Variants in GINM1 observed in about 807,000 individuals in gnomAD.
GINM1 encodes the protein glycoprotein integral membrane protein 1.
GINM1 carries 29 observed loss-of-function variants against 37.8 expected under a neutral mutation model. The ratio of observed to expected loss-of-function variants is 0.77; its 90% CI spans 0.57 to 1.05. The LOEUF (loss-of-function observed/expected upper bound fraction) is 1.05, where lower values mean the gene tolerates loss of function less well. Among genes scored for constraint, GINM1 ranks in the 50% least tolerant of loss-of-function variants. The pLI is 0.00. For missense variants in GINM1, 377 were observed against 397.9 expected (o/e 0.95, Z 0.45); for synonymous variants, 143 against 146.2 (o/e 0.98, Z 0.16).
At position 149,590,973 on chromosome 6, in the gene GINM1, T is replaced by G. The variant is rs999495537; in HGVS notation, c.*135T>G. 2.6e-5 allele frequency: 15 copies of G among 585,568 alleles called. No individual in the cohort carries two copies. The East Asian group carries it at 4.3e-4, about 17-fold the overall frequency. The allele number at this position is 585,568 out of a possible 1,614,324, so 36.3% of individuals were successfully genotyped here. A position where few individuals can be genotyped will look rare whatever the true frequency, so the allele number is the denominator to read the frequency against. Reference sequence around the variant, plus strand: ...GCTAAACTCTAAGACTGCCTGAAAATTGACCTTTACAGTGCCAAGTTAAAG... The same window carrying G: ...GCTAAACTCTAAGACTGCCTGAAAAGTGACCTTTACAGTGCCAAGTTAAAG... On this transcript the variant is annotated 3_prime_UTR_variant, in exon 8 of 8. Transcript: ENST00000367419.
Position 149,582,576 on chromosome 6 carries a change from A to G in GINM1, c.854A>G (p.Lys285Arg). The change falls in exon 7 of 8, where the codon AAG becomes AGG. Residue 285 changes from lysine to arginine, a missense_variant. By Grantham distance (26) the Lys-to-Arg change is conservative (BLOSUM62 2). Coordinates refer to ENST00000367419, the MANE Select transcript of GINM1 (RefSeq NM_138785.5). ...TGAAVVITIL[K>R]VFFPVSEYKG... is the part of the protein sequence containing the mutation. ...GCAGCTGTGGTAATAACCATCTTAA[A>G]GGTGTTTTTCCCAGTTTCTGAATAC... 6.3e-7 allele frequency: 1 copy of G among 1,588,910 alleles called. No individual in the cohort carries two copies. The highest frequency in any genetic ancestry group is 8.5e-7 in the Non-Finnish European group (1 of 1,173,458).
chr6:149,591,022 C>A lies in GINM1; in HGVS notation c.*184C>A. The A allele has an allele frequency of 3.9e-6, 2 of 519,428 alleles. No homozygotes were observed. Among genetic ancestry groups the A allele is most frequent in the Non-Finnish European group, 6.8e-6 (2 of 294,532 alleles). 32.2% of individuals were successfully genotyped at this position (519,428 alleles called of 1,614,324 possible). A position where few individuals can be genotyped will look rare whatever the true frequency, so the allele number is the denominator to read the frequency against. On this transcript the variant is annotated 3_prime_UTR_variant, in exon 8 of 8. Transcript: ENST00000367419. ...AGTTTACCTTATTCTCGGCCGGGTG[C>A]AGTGGCTCATGCCTGTAATCCCAGG...
At chr6:149,581,834 G>A (rs1778006780) in intron 6 of GINM1, among the ~76,000 whole-genome samples, 1 of 152,134 alleles carries the variant, frequency 6.6e-6, no homozygotes, top group South Asian at 2.1e-4. Flanking sequence ...CATATTTGAG[G>A]TCACTTCAGC....
At position 149,580,722 on chromosome 6, in the gene GINM1, A is replaced by T; in HGVS notation, c.716A>T (p.Lys239Met). The T allele has an allele frequency of 1.2e-6, 2 of 1,606,024 alleles. No homozygotes were observed. The highest frequency in any genetic ancestry group is 1.7e-6 in the Non-Finnish European group (2 of 1,175,194). Residue 239 changes from lysine (K) to methionine (M), a missense_variant and splice_region_variant, in exon 6 of 8, where the codon AAG (lysine) becomes ATG (methionine). By Grantham distance (95) the Lys-to-Met change is moderately conservative (BLOSUM62 -1). Coordinates refer to ENST00000367419, the MANE Select transcript of GINM1 (RefSeq NM_138785.5). The part of the protein sequence containing the change: ...PLRAEPPSSY[K>M]VMCQWMEKFR... ...AGAGCAGAGCCGCCATCTTCATATA[A>T]GGTAAATCAAGTATTTGGTGTTATC... is the stretch of plus-strand genomic sequence containing the variant.
intron 1 of GINM1, among the ~76,000 whole-genome samples, chr6:149,570,822 C>T (rs932971351): frequency 2.0e-5 from 3 of 152,074 alleles, no homozygotes; most frequent in African/African-American, 7.2e-5. Context: ...TGTGAATAAA[C>T]TTAGGAAAGA....
chr6:149,576,350 A>G (rs1029317249), intron 3 of GINM1: 1 of 152,256 alleles, frequency 6.6e-6, no homozygotes, highest in Admixed American at 6.5e-5. Flanking sequence ...AGGACAAGAG[A>G]GACTGCCAGT....
intron 4 of GINM1, 36 bp downstream of exon 4, chr6:149,579,009 A>G: frequency 7.5e-7 from 1 of 1,334,588 alleles, no homozygotes; most frequent in South Asian, 1.3e-5. Flanking sequence ...GAATTAAATG[A>G]TATTTAGATT....
At chr6:149,587,079 C>A (rs535073332) in intron 7 of GINM1, among the ~76,000 whole-genome samples, 31 of 152,242 alleles carry the variant, frequency 2.0e-4, no homozygotes, top group African/African-American at 7.5e-4. Flanking sequence ...CATGCCCAGC[C>A]CTTAATATTA....
At chr6:149,567,345 T>A (rs1367634565) in intron 1 of GINM1, among the ~76,000 whole-genome samples, 1 of 152,184 alleles carries the variant, frequency 6.6e-6, no homozygotes, top group Non-Finnish European at 1.5e-5. Context: ...AAAGAGCAAG[T>A]GTTCTGAGAA....
intron 6 of GINM1, chr6:149,581,980 G>C: frequency 2.1e-6 from 1 of 469,868 alleles, no homozygotes; most frequent in Non-Finnish European, 4.4e-6. Context: ...ATAGAAACAT[G>C]TTTTGTACAC....
chr6:149,588,803 T>C (rs1040939717), intron 7 of GINM1, among the ~76,000 whole-genome samples: 35 of 151,844 alleles, frequency 2.3e-4, no homozygotes, highest in African/African-American at 8.0e-4. Context: ...AATTTGTTGT[T>C]GTTGTTGTTG....
chr6:149,572,735 C>G, intron 3 of GINM1, 132 bp downstream of exon 3: 1 of 654,164 alleles, frequency 1.5e-6, no homozygotes, highest in South Asian at 1.7e-5. Context: ...GATCTCAGCT[C>G]ACTGCAACCT....
At chr6:149,572,444 A>T (rs528651538) in intron 2 of GINM1, 63 bp from the exon 3 acceptor site, 9 of 1,284,096 alleles carry the variant, frequency 7.0e-6, no homozygotes, top group East Asian at 2.3e-5. Context: ...ATCTTTTTTG[A>T]CTTGAAGAGT....
Position 149,572,316 on chromosome 6 carries a change from A to G in GINM1, c.152A>G (p.Lys51Arg). 1 of 1,601,202 alleles carries G rather than the reference A, an allele frequency of 6.2e-7. No homozygotes were observed. The highest frequency in any genetic ancestry group is 1.3e-5 in the African/African-American group (1 of 74,374). Residue 51 changes from lysine to arginine, a missense_variant, in exon 2 of 8, where the codon AAA (lysine) becomes AGA (arginine). Coordinates refer to ENST00000367419, the MANE Select transcript of GINM1 (RefSeq NM_138785.5). ...ATCAGAATTAATGTAACTACACTGAAAGATGATGGGGACATATCTAAACAG... is the reference window on the plus strand; with the variant it reads ...ATCAGAATTAATGTAACTACACTGAGAGATGATGGGGACATATCTAAACAG... Reference protein sequence around the residue: ...DGIRINVTTLKDDGDISKQQV... With the variant: ...DGIRINVTTLRDDGDISKQQV...
chr6:149,591,068 G>A lies in GINM1; in HGVS notation c.*230G>A. 1 of 403,108 alleles carries A rather than the reference G, an allele frequency of 2.5e-6. No homozygotes were observed. Among genetic ancestry groups the A allele is most frequent in the Non-Finnish European group, 4.4e-6 (1 of 225,420 alleles). The allele number at this position is 403,108 out of a possible 1,614,324, so 25.0% of individuals were successfully genotyped here. A position where few individuals can be genotyped will look rare whatever the true frequency, so the allele number is the denominator to read the frequency against. On this transcript the variant is annotated 3_prime_UTR_variant, in exon 8 of 8. Coordinates refer to ENST00000367419, the MANE Select transcript of GINM1 (RefSeq NM_138785.5). ...CCAGGACTTTGGGAGGCCAATGCGG[G>A]CGGATCACGAGGTCAGATCAAGACC...
intron 3 of GINM1, among the ~76,000 whole-genome samples, chr6:149,574,966 T>G (rs1777892076): frequency 6.6e-6 from 1 of 152,228 alleles, no homozygotes; most frequent in South Asian, 2.1e-4. Flanking sequence ...ATTTATTCCC[T>G]TTTTGCCTTT....
chr6:149,569,527 C>T (rs113689812), intron 1 of GINM1, among the ~76,000 whole-genome samples: 4,029 of 140,770 alleles, frequency 0.029, 159 homozygotes, highest in African/African-American at 0.099. Context: ...TTAGTAGAGA[C>T]GGGGTTTCAC....
chr6:149,584,826 T>G (rs188416311), intron 7 of GINM1, among the ~76,000 whole-genome samples: 8,914 of 148,190 alleles, frequency 0.06, 425 homozygotes, highest in African/African-American at 0.13. Flanking sequence ...TATATATATA[T>G]AGAGAGAGAG....
chr6:149,572,190 G>A, intron 1 of GINM1, 95 bp from the exon 2 acceptor site: 2 of 700,792 alleles, frequency 2.9e-6, no homozygotes, highest in South Asian at 3.7e-5. Context: ...ATAAGTGATT[G>A]TACAATAGAT....
Sources: gnomAD v4.1 joint callset for allele counts (sites outside exome capture counted in the v4.1 genomes callset) on GRCh38, gnomAD v4.1.1 for gene constraint, MANE v1.5 for transcripts, NCBI Gene and HGNC (gene_info 2026-07-23, HGNC 2026-07-21) for gene names.